CNKSR2: variants seen among roughly 807,000 people sequenced by gnomAD.
CNKSR2 encodes connector enhancer of kinase suppressor of Ras 2.
CNKSR2 carries 14 observed loss-of-function variants against 84.4 expected under a neutral mutation model. That is an observed-to-expected ratio of 0.17 (90% confidence interval 0.11 to 0.26). The LOEUF (loss-of-function observed/expected upper bound fraction) is 0.26. CNKSR2 is among the 10% of genes least tolerant of loss of function. CNKSR2 has a pLI of 1.00. For synonymous variants in CNKSR2, 275 were observed against 277.9 expected, an observed-to-expected ratio of 0.99 and a Z score of 0.10; for missense variants, 485 against 771.2, an observed-to-expected ratio of 0.63 and a Z score of 4.40.
At position 21,407,447 on chromosome X, in the gene CNKSR2, T is replaced by G. The variant is rs969498796; in HGVS notation, c.65-19050T>G. ...GTTTCTCAAGATCAGCTATTCTGTT[T>G]CCTATGCTATGCTTTTTATTATTCT... On this transcript the variant is annotated intron_variant, in intron 1 of 21. Transcript: ENST00000379510. 1.1e-3 allele frequency among the ~76,000 whole-genome samples: 122 copies of G among 111,227 alleles called. 1 individual carries two copies. Among genetic ancestry groups the G allele is most frequent in the African/African-American group, 3.8e-3 (116 of 30,771 alleles).
chrX:21,549,541 C>T (rs1386339586), intron 11 of CNKSR2, among the ~76,000 whole-genome samples: 1 of 111,946 alleles, frequency 8.9e-6, no homozygotes, highest in African/African-American at 3.3e-5. Flanking sequence ...CATTGACTTT[C>T]TTCACAGAAT....
At chrX:21,533,609 A>G (rs1044901130) in intron 11 of CNKSR2, among the ~76,000 whole-genome samples, 2 of 111,491 alleles carry the variant, frequency 1.8e-5, no homozygotes, top group Non-Finnish European at 3.8e-5. Flanking sequence ...TAAAGCCCCT[A>G]ATGCCATCAT....
intron 1 of CNKSR2, among the ~76,000 whole-genome samples, chrX:21,415,050 T>C (rs758525751): frequency 9.8e-5 from 11 of 112,140 alleles, no homozygotes; most frequent in Non-Finnish European, 2.1e-4. Flanking sequence ...TGTGATTCCA[T>C]ATACATTTTA....
At chrX:21,590,708 A>T in intron 14 of CNKSR2, 88 bp downstream of exon 14, 1 of 987,383 alleles carries the variant, frequency 1.0e-6, no homozygotes, top group East Asian at 3.1e-5. Flanking sequence ...TTCTTGCCTG[A>T]GCCCAGTGTG....
chrX:21,585,071 C>T (rs1417874957), intron 13 of CNKSR2, among the ~76,000 whole-genome samples: 1 of 106,887 alleles, frequency 9.4e-6, no homozygotes, highest in Non-Finnish European at 1.9e-5. Flanking sequence ...GGTAAAACCC[C>T]ATCTCTACTA....
At chrX:21,635,149 A>AT (rs764874895) in intron 20 of CNKSR2, among the ~76,000 whole-genome samples, 6 of 109,177 alleles carry the variant, frequency 5.5e-5, no homozygotes, top group Non-Finnish European at 7.6e-5. Flanking sequence ...TGACAGCAGA[A>AT]TAAGAAAAGA....
chrX:21,498,720 T>C (rs950935910), intron 7 of CNKSR2, among the ~76,000 whole-genome samples: 2 of 112,104 alleles, frequency 1.8e-5, no homozygotes, highest in Non-Finnish European at 3.8e-5. Flanking sequence ...ATCAGTGTGA[T>C]AGAGGTGAAC....
At chrX:21,418,369 T>C (rs2090450691) in intron 1 of CNKSR2, among the ~76,000 whole-genome samples, 1 of 111,772 alleles carries the variant, frequency 8.9e-6, no homozygotes, top group Non-Finnish European at 1.9e-5. Context: ...TTTTTTTGTG[T>C]GGTTACTATT....
intron 11 of CNKSR2, among the ~76,000 whole-genome samples, chrX:21,535,934 T>C (rs912823157): frequency 2.7e-5 from 3 of 111,700 alleles, no homozygotes; most frequent in African/African-American, 9.7e-5. Context: ...TGCTCATCCT[T>C]GTCTTGTTCC....
intron 5 of CNKSR2, among the ~76,000 whole-genome samples, chrX:21,481,755 G>C (rs959032179): frequency 1.8e-5 from 2 of 112,001 alleles, no homozygotes; most frequent in African/African-American, 6.5e-5. Context: ...GCCATGTTGT[G>C]AGAGGGCCTG....
At chrX:21,632,801 T>C (rs1051258401) in intron 20 of CNKSR2, among the ~76,000 whole-genome samples, 2 of 111,387 alleles carry the variant, frequency 1.8e-5, no homozygotes, top group African/African-American at 6.6e-5. Context: ...TGATCATAAG[T>C]ATGCATGGAC....
chrX:21,398,073 T>C (rs1258604514), intron 1 of CNKSR2, among the ~76,000 whole-genome samples: 1 of 111,838 alleles, frequency 8.9e-6, no homozygotes, highest in Non-Finnish European at 1.9e-5. Context: ...CCTAGTGTTA[T>C]AAAGCCTCAA....
intron 5 of CNKSR2, among the ~76,000 whole-genome samples, chrX:21,484,617 T>C (rs2091360534): frequency 8.9e-6 from 1 of 111,806 alleles, no homozygotes; most frequent in African/African-American, 3.2e-5. Context: ...TTTCTTTTTG[T>C]AAAGCTTTTT....
chrX:21,612,991 T>C (rs2092558261), intron 20 of CNKSR2, among the ~76,000 whole-genome samples: 1 of 112,405 alleles, frequency 8.9e-6, no homozygotes, highest in Admixed American at 9.4e-5. Context: ...CTTGTTTTCC[T>C]TTGACTGAAA....
chrX:21,482,619 G>A (rs770978099), intron 5 of CNKSR2, among the ~76,000 whole-genome samples: 20 of 112,038 alleles, frequency 1.8e-4, no homozygotes, highest in African/African-American at 6.2e-4. Context: ...TAATTTTAAC[G>A]CATAATAGGC....
At position 21,584,456 on chromosome X, in the gene CNKSR2, G is replaced by A. The variant is rs141385012; in HGVS notation, c.1609-6116G>A. Among the ~76,000 whole-genome samples, 226 of 112,213 alleles carry A rather than the reference G, an allele frequency of 2.0e-3. 1 individual carries two copies. The highest frequency in any genetic ancestry group is 6.6e-3 in the African/African-American group (205 of 30,919). ...CCCTTTTTTAATGGAGTTTATATTT[G>A]GAGGAAGTCCAGGTGATAAACAAGA... On this transcript the variant is annotated intron_variant, in intron 13 of 21. Transcript: ENST00000379510.
chrX:21,394,929 G>A (rs1395416770), intron 1 of CNKSR2, among the ~76,000 whole-genome samples: 1 of 111,317 alleles, frequency 9.0e-6, no homozygotes, highest in Non-Finnish European at 1.9e-5. Flanking sequence ...GAACCAATTC[G>A]TTTCAGCTTG....
At chrX:21,465,670 T>C (rs1340419831) in intron 4 of CNKSR2, among the ~76,000 whole-genome samples, 3 of 111,258 alleles carry the variant, frequency 2.7e-5, no homozygotes, top group East Asian at 5.6e-4. Context: ...AATAGTATTA[T>C]TATTAGAGAT....
intron 4 of CNKSR2, among the ~76,000 whole-genome samples, chrX:21,467,847 A>G (rs1481176837): frequency 1.8e-5 from 2 of 110,891 alleles, no homozygotes; most frequent in African/African-American, 6.6e-5. Flanking sequence ...TCTTAAATCT[A>G]GGATCACAGA....
Sources: gnomAD v4.1 joint callset for allele counts (sites outside exome capture counted in the v4.1 genomes callset) on GRCh38, gnomAD v4.1.1 for gene constraint, MANE v1.5 for transcripts, NCBI Gene and HGNC (gene_info 2026-07-23, HGNC 2026-07-21) for gene names.